Variants in MAPKBP1 observed in about 807,000 individuals in gnomAD.
MAPKBP1 encodes mitogen-activated protein kinase binding protein 1.
In MAPKBP1, 71 loss-of-function variants were observed where a neutral mutation model predicts 170.5. That is an observed-to-expected ratio of 0.42 (90% CI 0.34 to 0.51). The LOEUF is 0.51. Ranked by LOEUF, MAPKBP1 falls within the 20% of genes least tolerant of loss-of-function variation. The pLI, the probability that MAPKBP1 is intolerant of heterozygous loss-of-function variation, is 0.06. For missense variants in MAPKBP1, 1,598 were observed against 1,933.0 expected (o/e 0.83, Z 3.25); for synonymous variants, 719 against 757.9 (o/e 0.95, Z 0.84).
In MAPKBP1 at chr15:41,819,346, C is replaced by T. The variant is rs558949006; in HGVS notation, c.2392C>T (p.Pro798Ser). The T allele has an allele frequency of 9.3e-4, 1,501 of 1,614,178 alleles. 27 individuals carry two copies. The South Asian group carries it at 0.016, about 17-fold the overall frequency. ...EGTEEELPAL[P>S]VLAKSTKKAL... is the part of the protein sequence containing the mutation. ...GACTGAAGAAGAACTTCCAGCACTGCCCGTCCTTGCCAAGAGTACCAAGAA... is the reference window on the plus strand; with the variant it reads ...GACTGAAGAAGAACTTCCAGCACTGTCCGTCCTTGCCAAGAGTACCAAGAA... Residue 798 changes from proline (P) to serine (S), a missense_variant, in exon 21 of 31, where the codon CCC becomes TCC. Coordinates refer to ENST00000457542, the MANE Select transcript of MAPKBP1 (RefSeq NM_014994.3).
At chr15:41,774,913 G>A in intron 1 of MAPKBP1, 1 of 454,716 alleles carries the variant, frequency 2.2e-6, no homozygotes, top group East Asian at 3.3e-5. Context: ...TCGTCCACGA[G>A]ACCAACTGGG....
chr15:41,825,108 A>T, intron 30 of MAPKBP1, 101 bp from the exon 31 acceptor site: 1 of 832,890 alleles, frequency 1.2e-6, no homozygotes, highest in Non-Finnish European at 1.9e-6. Flanking sequence ...TAGAGTTCCC[A>T]GCTAGTCCCT....
At position 41,817,064 on chromosome 15, in the gene MAPKBP1, T is replaced by C; in HGVS notation, c.1711+29T>C. On this transcript the variant is annotated intron_variant, in intron 14 of 30. Coordinates refer to ENST00000457542, the MANE Select transcript of MAPKBP1 (RefSeq NM_014994.3). The surrounding 1 kb of genome is among the most constrained non-coding windows in gnomAD (Gnocchi z 4.2). ...CGGGCAGGGTGAATGAGACACATCC[T>C]GCCACTCTCACCCCTGCTGCCATCT... The C allele has an allele frequency of 1.3e-6, 2 of 1,555,722 alleles. No homozygotes were observed. Among genetic ancestry groups the C allele is most frequent in the African/African-American group, 2.7e-5 (2 of 73,750 alleles).
rs1330684273 is a variant in MAPKBP1, at chr15:41,826,102, C to T, written c.*666C>T. On this transcript the variant is annotated 3_prime_UTR_variant, in exon 31 of 31. Transcript: ENST00000457542. The stretch of plus-strand genomic sequence containing the variant: ...GGCCCAGCATTGTATTTCCCTGTGA[C>T]CCCTTACTCTCCTGGCCAGAACTTG... The T allele has an allele frequency of 2.0e-5, 3 of 152,340 alleles. No homozygotes were observed. The highest frequency in any genetic ancestry group is 6.6e-5 in the Admixed American group (1 of 15,264). 9.4% of individuals were successfully genotyped at this position (152,340 alleles called of 1,614,324 possible). A position where few individuals can be genotyped will look rare whatever the true frequency, so the allele number is the denominator to read the frequency against.
At chr15:41,819,748 G>T in intron 22 of MAPKBP1, 98 bp downstream of exon 22, 2 of 1,230,386 alleles carry the variant, frequency 1.6e-6, no homozygotes, top group Non-Finnish European at 2.3e-6. Context: ...CTGGGGCATG[G>T]GGTCTGCCCA....
In MAPKBP1 at chr15:41,825,327, C is replaced by T. The variant is rs926112345; in HGVS notation, c.4418C>T (p.Pro1473Leu). The change falls in exon 31 of 31, where the codon CCA (proline) becomes CTA (leucine). Residue 1473 changes from proline to leucine, a missense_variant. Transcript: ENST00000457542. ...EAVAGAVLSS[P>L]GSSPGAVGAE... Reference sequence around the variant, plus strand: ...GTGGCTGGGGCAGTGCTGTCCAGCCCAGGCAGCAGCCCTGGGGCTGTGGGA... The same window carrying T: ...GTGGCTGGGGCAGTGCTGTCCAGCCTAGGCAGCAGCCCTGGGGCTGTGGGA... The T allele has an allele frequency of 3.7e-6, 6 of 1,613,202 alleles. No homozygotes were observed. In the African/African-American group the frequency reaches 5.3e-5, roughly 14 times the overall value.
intron 21 of MAPKBP1, 38 bp from the exon 22 acceptor site, chr15:41,819,557 G>GGGGGGAGGGGGGC: frequency 7.2e-7 from 1 of 1,384,690 alleles, no homozygotes; most frequent in Non-Finnish European, 1.0e-6. Context: ...CGGGGGGGGG[G>GGGGGGAGGGGGGC]CAGGAGACAC....
Position 41,825,494 on chromosome 15 carries a change from T to A in MAPKBP1, c.*58T>A. 1.2e-5 allele frequency: 18 copies of A among 1,451,086 alleles called. No individual in the cohort carries two copies. The highest frequency in any genetic ancestry group is 1.7e-5 in the Non-Finnish European group (18 of 1,073,874). 89.9% of individuals were successfully genotyped at this position (1,451,086 alleles called of 1,614,324 possible). Reference sequence around the variant, plus strand: ...TCCAGCGATTCCAAACTGCAGCCCCTCTGCCCCTCACCAAAACCTGCGGGG... The same window carrying A: ...TCCAGCGATTCCAAACTGCAGCCCCACTGCCCCTCACCAAAACCTGCGGGG... On this transcript the variant is annotated 3_prime_UTR_variant, in exon 31 of 31. Transcript: ENST00000457542.
In MAPKBP1 at chr15:41,814,764, G is replaced by A. The variant is rs1339175178; in HGVS notation, c.1170+25G>A. The A allele has an allele frequency of 2.5e-6, 4 of 1,611,630 alleles. No homozygotes were observed. In the African/African-American group the frequency reaches 5.3e-5, roughly 22 times the overall value. ...GGTATGTGGGCTGGCTGGCTGGCTG[G>A]AGACTGGCCAGGTTGGCTGGGATAC... On this transcript the variant is annotated intron_variant, in intron 10 of 30. Coordinates refer to ENST00000457542, the MANE Select transcript of MAPKBP1 (RefSeq NM_014994.3).
rs1282619413 is a variant in MAPKBP1, at chr15:41,827,392, ACTC to A, written c.*1960_*1962del. The A allele has an allele frequency of 6.6e-6, 1 of 151,416 alleles. No homozygotes were observed. The highest frequency in any genetic ancestry group is 2.4e-5 in the African/African-American group (1 of 41,096). 9.4% of individuals were successfully genotyped at this position (151,416 alleles called of 1,614,324 possible). On this transcript the variant is annotated 3_prime_UTR_variant, in exon 31 of 31. Coordinates refer to ENST00000457542, the MANE Select transcript of MAPKBP1 (RefSeq NM_014994.3). ...GCTGCTCCAAACCTGGCCCTTCCCCACTCCTCTAGCATCGCCACCCGCATGGCC... is the reference window on the plus strand; with the variant it reads ...GCTGCTCCAAACCTGGCCCTTCCCCACTCTAGCATCGCCACCCGCATGGCC...
At chr15:41,805,652 A>G (rs1352146808) in intron 3 of MAPKBP1, among the ~76,000 whole-genome samples, 1 of 152,200 alleles carries the variant, frequency 6.6e-6, no homozygotes, top group African/African-American at 2.4e-5. Context: ...GCCCATGTTA[A>G]AATTGATTCT....
chr15:41,781,965 C>CA (rs1355131520), intron 2 of MAPKBP1, among the ~76,000 whole-genome samples: 3 of 151,756 alleles, frequency 2.0e-5, no homozygotes, highest in Non-Finnish European at 4.4e-5. Flanking sequence ...TTATGAAATA[C>CA]AGGCCGGGCG....
At chr15:41,810,699 CAG>C in intron 3 of MAPKBP1, 182 bp from the exon 4 acceptor site, 1 of 540,994 alleles carries the variant, frequency 1.8e-6, no homozygotes, top group Non-Finnish European at 3.2e-6. Context: ...GCTGGGATGA[CAG>C]AGTAAGATCC....
At chr15:41,820,111 G>T (rs577571531) in intron 22 of MAPKBP1, among the ~76,000 whole-genome samples, 111 of 152,212 alleles carry the variant, frequency 7.3e-4, no homozygotes, top group Non-Finnish European at 1.5e-3. Context: ...AATAGTTAGA[G>T]GGAAAAGGCC....
intron 27 of MAPKBP1, 22 bp downstream of exon 27, chr15:41,822,699 C>A (rs1160780214): frequency 1.9e-6 from 3 of 1,613,154 alleles, no homozygotes; most frequent in East Asian, 4.5e-5. Context: ...CCCTACCCCC[C>A]AGCAGCAGCT....
At chr15:41,774,729 G>C (rs1346108796) in intron 1 of MAPKBP1, 119 bp downstream of exon 1, 2 of 399,858 alleles carry the variant, frequency 5.0e-6, no homozygotes, top group Non-Finnish European at 8.8e-6. Flanking sequence ...ATAGGGAGTG[G>C]GGGAGGGAGG....
At chr15:41,820,808 C>T (rs980451558) in intron 22 of MAPKBP1, 24 bp from the exon 23 acceptor site, 1 of 1,578,468 alleles carries the variant, frequency 6.3e-7, no homozygotes, top group East Asian at 2.2e-5. Flanking sequence ...TGTTACTCCT[C>T]CCCCACCCCC....
Position 41,775,216 on chromosome 15 carries a change from C to T in MAPKBP1, c.-60C>T, listed in dbSNP as rs1031332938. 8.0e-6 allele frequency: 11 copies of T among 1,378,720 alleles called. No homozygotes were observed. Among genetic ancestry groups the T allele is most frequent in the Non-Finnish European group, 1.0e-5 (10 of 970,524 alleles). 85.4% of individuals were successfully genotyped at this position (1,378,720 alleles called of 1,614,324 possible). On this transcript the variant is annotated 5_prime_UTR_variant, in exon 2 of 31. Coordinates refer to ENST00000457542, the MANE Select transcript of MAPKBP1 (RefSeq NM_014994.3). The stretch of plus-strand genomic sequence containing the variant: ...GCCCTCTGGAGTGGGAAGACAGTGC[C>T]GCTGTTGAGACAAGACCCAGGACTG...
In MAPKBP1 at chr15:41,817,639, G is replaced by A. The variant is rs765785391; in HGVS notation, c.1808G>A (p.Arg603Gln). ...QKSGDGVQFT[R>Q]THHVVRKTTL... ...TCTGGAGATGGAGTGCAGTTCACAC[G>A]GACACACCACGTGGTGCGGAAGACG... is the stretch of plus-strand genomic sequence containing the variant. Residue 603 changes from arginine to glutamine, a missense_variant, in exon 16 of 31, where the codon CGG becomes CAG. Around this residue, in one of 6 missense-constraint regions of MAPKBP1, gnomAD observed 430 missense variants for 617.2 expected, o/e 0.70. Transcript: ENST00000457542. This position sits in a 1 kb window ranked among gnomAD's most constrained non-coding sequence, Gnocchi z 4.2. 7 of 1,614,178 alleles carry A rather than the reference G, an allele frequency of 4.3e-6. No homozygotes were observed. The highest frequency in any genetic ancestry group is 3.3e-5 in the Admixed American group (2 of 60,028).
Sources: allele counts gnomAD v4.1 joint callset (sites outside exome capture counted in the v4.1 genomes callset), GRCh38; gene constraint gnomAD v4.1.1; regional missense constraint gnomAD v4.1.1; non-coding constraint Gnocchi (gnomAD v3.1); transcripts MANE v1.5; gene names NCBI Gene and HGNC (gene_info 2026-07-23, HGNC 2026-07-21).